ZMIZ1: variants seen among roughly 807,000 people sequenced by gnomAD.
The protein encoded by ZMIZ1 is zinc finger MIZ-type containing 1, also known as zinc finger MIZ domain-containing protein 1.
A neutral mutation model predicts 113.9 loss-of-function variants in ZMIZ1; 17 were observed. That is an observed-to-expected ratio of 0.15 (90% CI 0.10 to 0.22). The LOEUF is 0.22. ZMIZ1 is among the 10% of genes least tolerant of loss of function. The pLI is 1.00. For missense variants in ZMIZ1, 1,059 were observed against 1,477.8 expected (o/e 0.72, Z 4.65); for synonymous variants, 607 against 603.1 (o/e 1.01, Z -0.09).
At chr10:79,229,317 C>T (rs1179478681) in intron 7 of ZMIZ1, among the ~76,000 whole-genome samples, 1 of 152,244 alleles carries the variant, frequency 6.6e-6, no homozygotes, top group African/African-American at 2.4e-5. Context: ...GCTGCCTGTG[C>T]TGTTCTGAGC....
intron 7 of ZMIZ1, among the ~76,000 whole-genome samples, chr10:79,225,754 G>A (rs1450465292): frequency 6.6e-6 from 1 of 152,098 alleles, no homozygotes; most frequent in Non-Finnish European, 1.5e-5. Flanking sequence ...AACCTGGGGG[G>A]CCATATCACC....
At chr10:79,154,242 T>G (rs2132463688) in intron 3 of ZMIZ1, among the ~76,000 whole-genome samples, 1 of 152,266 alleles carries the variant, frequency 6.6e-6, no homozygotes, top group South Asian at 2.1e-4. Context: ...TTTGGGTTTG[T>G]GTCCCCTTCT....
chr10:79,156,988 C>T (rs189881875), intron 3 of ZMIZ1, among the ~76,000 whole-genome samples: 1 of 149,688 alleles, frequency 6.7e-6, no homozygotes, highest in Admixed American at 6.7e-5. Flanking sequence ...AAAAGAAACA[C>T]CAGCATGTCT....
chr10:79,245,225 T>C (rs905007856), intron 7 of ZMIZ1, among the ~76,000 whole-genome samples: 3 of 152,174 alleles, frequency 2.0e-5, no homozygotes, highest in African/African-American at 7.2e-5. Context: ...CTCTCATGCC[T>C]CTTGATTCTC....
At chr10:79,299,212 G>T in intron 16 of ZMIZ1, 21 bp downstream of exon 16, 1 of 1,590,572 alleles carries the variant, frequency 6.3e-7, no homozygotes, top group Non-Finnish European at 8.5e-7. Context: ...GGGCAGGGGC[G>T]CCAGCCCAGG....
At chr10:79,280,280 T>A (rs1852641194) in intron 8 of ZMIZ1, among the ~76,000 whole-genome samples, 1 of 151,646 alleles carries the variant, frequency 6.6e-6, no homozygotes, top group Non-Finnish European at 1.5e-5. Flanking sequence ...TGCCGGCCTA[T>A]TATTATTTTT....
intron 3 of ZMIZ1, among the ~76,000 whole-genome samples, chr10:79,159,989 G>C (rs1300192072): frequency 1.3e-5 from 2 of 152,252 alleles, no homozygotes; most frequent in Non-Finnish European, 2.9e-5. Context: ...TGGGGAGCGA[G>C]GGCTTTTCGG....
chr10:79,197,124 T>C (rs1335743475), intron 4 of ZMIZ1, among the ~76,000 whole-genome samples: 2 of 152,240 alleles, frequency 1.3e-5, no homozygotes, highest in African/African-American at 4.8e-5. Flanking sequence ...CTGCCGGGCA[T>C]GAGGTTTCTT....
At chr10:79,304,306 G>A (rs1215137840) in intron 19 of ZMIZ1, 131 bp downstream of exon 19, 21 of 1,225,890 alleles carry the variant, frequency 1.7e-5, no homozygotes, top group South Asian at 1.5e-5. Flanking sequence ...TCAGCAGCTG[G>A]CGTCACTCAT....
chr10:79,177,294 CAG>C (rs138249438), intron 4 of ZMIZ1, among the ~76,000 whole-genome samples: 5,801 of 152,198 alleles, frequency 0.038, 173 homozygotes, highest in Non-Finnish European at 0.045. Context: ...CCACTGTAAA[CAG>C]GGGATGAAAG....
chr10:79,306,415 C>CT (rs1854701381), intron 22 of ZMIZ1, 71 bp downstream of exon 22: 5 of 1,571,174 alleles, frequency 3.2e-6, no homozygotes, highest in Non-Finnish European at 4.3e-6. Context: ...CACAGAATTT[C>CT]TGTGCTGATG....
chr10:79,095,355 CA>C (rs1202532641), intron 1 of ZMIZ1, among the ~76,000 whole-genome samples: 1 of 152,188 alleles, frequency 6.6e-6, no homozygotes, highest in Non-Finnish European at 1.5e-5. Flanking sequence ...GATTTAATTT[CA>C]ATAGTACTGT....
intron 8 of ZMIZ1, among the ~76,000 whole-genome samples, chr10:79,280,290 T>G (rs1218586563): frequency 1.3e-5 from 2 of 152,062 alleles, no homozygotes; most frequent in Non-Finnish European, 2.9e-5. Context: ...TTATTATTTT[T>G]AAAAGACAGG....
intron 4 of ZMIZ1, among the ~76,000 whole-genome samples, chr10:79,188,550 A>G (rs555100512): frequency 6.6e-6 from 1 of 152,286 alleles, no homozygotes; most frequent in South Asian, 2.1e-4. Context: ...CTCTTCGCAC[A>G]GACGTCTTTG....
intron 1 of ZMIZ1, among the ~76,000 whole-genome samples, chr10:79,081,502 A>G (rs766604551): frequency 2.6e-5 from 4 of 152,184 alleles, no homozygotes; most frequent in Non-Finnish European, 4.4e-5. Context: ...AGGGTCAGAC[A>G]TTCCAGGAGG....
At position 79,173,575 on chromosome 10, in the gene ZMIZ1, C is replaced by T. The variant is rs568209053; in HGVS notation, c.-50+11442C>T. On this transcript the variant is annotated intron_variant, in intron 4 of 24. Coordinates refer to ENST00000334512, the MANE Select transcript of ZMIZ1 (RefSeq NM_020338.4). Reference sequence around the variant, plus strand: ...AAGAATTTTGAGAATATACCTTGATCAACAGACAGAGAGCAAGGGACCTGC... The same window carrying T: ...AAGAATTTTGAGAATATACCTTGATTAACAGACAGAGAGCAAGGGACCTGC... Among the ~76,000 whole-genome samples the T allele has an allele frequency of 1.4e-4, 21 of 152,228 alleles. No individual in the cohort carries two copies. In the South Asian group the frequency reaches 4.1e-3, roughly 30 times the overall value.
intron 4 of ZMIZ1, among the ~76,000 whole-genome samples, chr10:79,167,715 C>T (rs550125769): frequency 1.3e-5 from 2 of 152,326 alleles, no homozygotes; most frequent in East Asian, 1.9e-4. Flanking sequence ...GGCTGGGCCA[C>T]GTATTGGCCA....
intron 2 of ZMIZ1, among the ~76,000 whole-genome samples, chr10:79,126,967 T>C (rs1256425785): frequency 6.6e-6 from 1 of 152,152 alleles, no homozygotes; most frequent in Non-Finnish European, 1.5e-5. Context: ...TGGACCAACC[T>C]GAGAGGATGA....
At chr10:79,280,124 A>G (rs1434962420) in intron 8 of ZMIZ1, among the ~76,000 whole-genome samples, 3 of 151,604 alleles carry the variant, frequency 2.0e-5, no homozygotes, top group African/African-American at 7.3e-5. Context: ...AGTAGCTGGG[A>G]CCACAGGCAT....
Sources: allele counts gnomAD v4.1 joint callset (sites outside exome capture counted in the v4.1 genomes callset), GRCh38; gene constraint gnomAD v4.1.1; transcripts MANE v1.5; gene names NCBI Gene and HGNC (gene_info 2026-07-23, HGNC 2026-07-21).